The following GTF2E2 variants were observed in gnomAD, a reference collection of about 807,000 sequenced individuals.
GTF2E2 encodes the protein general transcription factor IIE subunit 2, also known as transcription initiation factor IIE subunit beta.
A neutral mutation model predicts 40.5 loss-of-function variants in GTF2E2; 21 were observed. The observed-to-expected ratio is 0.52, with a 90% CI of 0.37 to 0.75. The LOEUF (loss-of-function observed/expected upper bound fraction) is 0.75. Among genes scored for constraint, GTF2E2 ranks in the 30% least tolerant of loss-of-function variants. GTF2E2 has a pLI of 0.00. For missense variants in GTF2E2, 298 were observed against 338.4 expected, an observed-to-expected ratio of 0.88 and a Z score of 0.94; for synonymous variants, 117 against 121.6, an observed-to-expected ratio of 0.96 and a Z score of 0.25.
intron 3 of GTF2E2, among the ~76,000 whole-genome samples, chr8:30,631,679 G>A (rs1801441755): frequency 6.6e-6 from 1 of 152,180 alleles, no homozygotes; most frequent in Non-Finnish European, 1.5e-5. Context: ...GTAGTTTGAA[G>A]CAGTAGGTAT....
chr8:30,607,685 G>A (rs969911970), intron 5 of GTF2E2, among the ~76,000 whole-genome samples: 3 of 152,058 alleles, frequency 2.0e-5, no homozygotes, highest in Non-Finnish European at 2.9e-5. Flanking sequence ...AAAATAAAAC[G>A]TGTTTCACTT....
At chr8:30,620,797 C>T (rs1334497660) in intron 3 of GTF2E2, among the ~76,000 whole-genome samples, 2 of 151,648 alleles carry the variant, frequency 1.3e-5, no homozygotes, top group Non-Finnish European at 2.9e-5. Flanking sequence ...GGCATGGTGG[C>T]ACATGCCTAT....
intron 2 of GTF2E2, among the ~76,000 whole-genome samples, chr8:30,648,960 G>A (rs1385313555): frequency 6.6e-6 from 1 of 152,180 alleles, no homozygotes; most frequent in Non-Finnish European, 1.5e-5. Context: ...ACCTGTTTGT[G>A]GGGAAGATGA....
chr8:30,640,136 C>A (rs1227058354), intron 2 of GTF2E2, among the ~76,000 whole-genome samples: 6 of 152,116 alleles, frequency 3.9e-5, no homozygotes, highest in Non-Finnish European at 8.8e-5. Flanking sequence ...TGCTGTTTCA[C>A]CAAACTGACT....
intron 3 of GTF2E2, among the ~76,000 whole-genome samples, chr8:30,628,724 G>A: frequency 6.6e-6 from 1 of 152,188 alleles, no homozygotes. Context: ...GAAGTTAGGA[G>A]ATCAAGCCCA....
chr8:30,600,716 G>C (rs1326352448), intron 6 of GTF2E2, among the ~76,000 whole-genome samples: 1 of 152,142 alleles, frequency 6.6e-6, no homozygotes, highest in African/African-American at 2.4e-5. Context: ...CTGACTTAAG[G>C]AAAGAAATGC....
At chr8:30,632,496 T>C (rs1801467804) in intron 3 of GTF2E2, among the ~76,000 whole-genome samples, 1 of 152,148 alleles carries the variant, frequency 6.6e-6, no homozygotes, top group African/African-American at 2.4e-5. Flanking sequence ...AAGCTAAACC[T>C]TCATACTAAA....
chr8:30,606,635 T>C lies in GTF2E2; in HGVS notation c.643+422A>G, dbSNP rs935924360. ...ACAATTTCCAGAAAGAAAAACATCA[T>C]CTCCTTCCTTATTCAATTTGATAAC... is the stretch of plus-strand genomic sequence containing the variant. On this transcript the variant is annotated intron_variant, in intron 6 of 7. Transcript: ENST00000355904. Among the ~76,000 whole-genome samples, 4 of 152,280 alleles carry C rather than the reference T, an allele frequency of 2.6e-5. No homozygotes were observed. The South Asian group carries it at 8.3e-4, about 32-fold the overall frequency.
chr8:30,579,502 G>A (rs1336731057), intron 7 of GTF2E2, among the ~76,000 whole-genome samples: 1 of 152,148 alleles, frequency 6.6e-6, no homozygotes, highest in African/African-American at 2.4e-5. Flanking sequence ...ATTAACAAAT[G>A]AGACAATAAT....
At chr8:30,628,926 G>A (rs1352164415) in intron 3 of GTF2E2, among the ~76,000 whole-genome samples, 3 of 141,402 alleles carry the variant, frequency 2.1e-5, no homozygotes, top group Non-Finnish European at 3.0e-5. Context: ...GTGAGACTCC[G>A]TCTCAAAAAA....
intron 2 of GTF2E2, among the ~76,000 whole-genome samples, chr8:30,638,443 T>C (rs957132299): frequency 6.6e-6 from 1 of 152,198 alleles, no homozygotes; most frequent in Non-Finnish European, 1.5e-5. Context: ...TGACAGTTGA[T>C]ACCCCAGACA....
intron 6 of GTF2E2, among the ~76,000 whole-genome samples, chr8:30,599,930 C>T (rs1342094077): frequency 3.9e-5 from 6 of 152,106 alleles, no homozygotes; most frequent in African/African-American, 4.8e-5. Context: ...TTGCAGTGAG[C>T]GGAGATCACG....
At chr8:30,624,748 C>G (rs1372921554) in intron 3 of GTF2E2, among the ~76,000 whole-genome samples, 1 of 152,042 alleles carries the variant, frequency 6.6e-6, no homozygotes, top group East Asian at 1.9e-4. Context: ...AGTTGGATTT[C>G]TAGGTATTTT....
intron 3 of GTF2E2, among the ~76,000 whole-genome samples, chr8:30,618,989 C>T (rs962073087): frequency 3.3e-5 from 5 of 152,206 alleles, no homozygotes; most frequent in African/African-American, 1.2e-4. Flanking sequence ...TGTCACCGGG[C>T]TAGAGTGCAG....
At chr8:30,580,428 T>C (rs1258752004) in intron 6 of GTF2E2, 32 bp from the exon 7 acceptor site, 2 of 1,190,630 alleles carry the variant, frequency 1.7e-6, no homozygotes, top group East Asian at 2.3e-5. Flanking sequence ...TATTTTACAA[T>C]CCATTTTTAC....
chr8:30,580,171 TG>T, intron 7 of GTF2E2, 109 bp downstream of exon 7: 1 of 700,442 alleles, frequency 1.4e-6, no homozygotes, highest in Non-Finnish European at 2.5e-6. Context: ...CTGCGGACAC[TG>T]AGAAACAATG....
intron 2 of GTF2E2, among the ~76,000 whole-genome samples, chr8:30,637,505 T>G: frequency 1.3e-5 from 1 of 76,426 alleles, no homozygotes; most frequent in East Asian, 2.5e-4. Context: ...CCAATTCATC[T>G]ATAATTTTAT....
At chr8:30,624,274 T>G (rs1269303701) in intron 3 of GTF2E2, among the ~76,000 whole-genome samples, 1 of 152,186 alleles carries the variant, frequency 6.6e-6, no homozygotes, top group Admixed American at 6.5e-5. Context: ...AGGGAATCCT[T>G]TCCTCATTGC....
chr8:30,647,770 A>T (rs1802144684), intron 2 of GTF2E2, among the ~76,000 whole-genome samples: 1 of 152,280 alleles, frequency 6.6e-6, no homozygotes, highest in Admixed American at 6.5e-5. Context: ...ACATTTTCAC[A>T]AACGTTGGAT....
Sources: allele counts gnomAD v4.1 joint callset (sites outside exome capture counted in the v4.1 genomes callset), GRCh38; gene constraint gnomAD v4.1.1; transcripts MANE v1.5; gene names NCBI Gene and HGNC (gene_info 2026-07-23, HGNC 2026-07-21).